Variants in LY6G5B observed in about 807,000 individuals in gnomAD.
LY6G5B encodes lymphocyte antigen 6 complex locus protein G5b.
In LY6G5B, 6 loss-of-function variants were observed where a neutral mutation model predicts 6.7. The observed-to-expected ratio is 0.89, with a 90% CI of 0.49 to 1.76. LY6G5B has a LOEUF of 1.76. Among genes scored for constraint, LY6G5B ranks in the 40% most tolerant of loss-of-function variants. LY6G5B has a pLI of 0.01. For missense variants in LY6G5B, 240 were observed against 249.5 expected (o/e 0.96, Z 0.26); for synonymous variants, 98 against 99.4 (o/e 0.99, Z 0.09).
In LY6G5B at chr6:31,672,087, C is replaced by G. The variant is rs761242488; in HGVS notation, c.411C>G (p.Tyr137Ter). 6.8e-6 allele frequency: 11 copies of G among 1,612,958 alleles called. No homozygotes were observed. Among genetic ancestry groups the G allele is most frequent in the Non-Finnish European group, 4.2e-6 (5 of 1,180,036 alleles). The change falls in exon 3 of 3, where the codon TAC (tyrosine) becomes TAG (stop). Residue 137 changes from tyrosine (Y) to a stop codon, truncating the protein, a stop_gained. Coordinates refer to ENST00000375864, the Ensembl canonical transcript of LY6G5B. LOFTEE classifies it low-confidence loss of function (END_TRUNC). ...CTGACTCCCAGATTCAGTGGTTCTA[C>G]CAGGCCCTGAACCTCTCCCTGCCCC...
upstream of LY6G5B, chr6:31,669,981 C>T (rs368536910): frequency 5.6e-6 from 8 of 1,419,302 alleles, no homozygotes; most frequent in African/African-American, 7.1e-5. This position sits in a 1 kb window ranked among gnomAD's most constrained non-coding sequence, Gnocchi z 4.8. Context: ...TTTTGCCACC[C>T]TTTCAGGAAC....
exon 1 of LY6G5B, chr6:31,670,792 G>T: frequency 2.8e-6 from 2 of 715,078 alleles, no homozygotes; most frequent in East Asian, 2.6e-5. Context: ...TCCCAGCCAG[G>T]ATCCTGCCCC....
exon 3 of LY6G5B, chr6:31,672,480 T>C: frequency 1.5e-6 from 1 of 662,154 alleles, no homozygotes; most frequent in South Asian, 2.0e-5. Context: ...AGTCTCGCTC[T>C]GTCACCCAGG....
exon 3 of LY6G5B, chr6:31,672,109 C>T: frequency 6.2e-7 from 1 of 1,613,126 alleles, no homozygotes; most frequent in Non-Finnish European, 8.5e-7. Context: ...CCTCTCCCTG[C>T]CCCTCCCCAA....
rs756480886 is a variant in LY6G5B at position 31,671,894 on chromosome 6, G to A, written c.218G>A (p.Cys73Tyr). 6 of 1,612,598 alleles carry A rather than the reference G, an allele frequency of 3.7e-6. No homozygotes were observed. The African/African-American group carries it at 4.0e-5, about 11-fold the overall frequency. ...AAGGTTCGCTTCATCGTTCGAGGCTGTGGACAGTACATTTCCTACCGCTGC... is the reference window on the plus strand; with the variant it reads ...AAGGTTCGCTTCATCGTTCGAGGCTATGGACAGTACATTTCCTACCGCTGC... Residue 73 changes from cysteine to tyrosine, a missense_variant, in exon 3 of 3, where the codon TGT (cysteine) becomes TAT (tyrosine). Cys to Tyr is a radical substitution (Grantham distance 194). Transcript: ENST00000375864.
intron 1 of LY6G5B, 63 bp downstream of exon 1, chr6:31,671,071 C>T (rs35609644): frequency 0.013 from 21,123 of 1,609,128 alleles, 172 homozygotes; most frequent in Non-Finnish European, 0.016. Context: ...GGGGGTGGAG[C>T]GTGGCCATGG....
Position 31,670,409 on chromosome 6 carries a change from A to T in LY6G5B, c.-542A>T, listed in dbSNP as rs1562055325. On this transcript the variant is annotated 5_prime_UTR_variant, in exon 1 of 3. The change creates a new upstream start codon in the 5' untranslated region. Coordinates refer to ENST00000375864, the Ensembl canonical transcript of LY6G5B. ...AGTAGCCTAAAGTCAGTATAACTAA[A>T]GGGTGGAACGAGGTGGGACAAGGTC... is the stretch of plus-strand genomic sequence containing the variant. 1 of 172,448 alleles carries T rather than the reference A, an allele frequency of 5.8e-6. No individual in the cohort carries two copies. The allele number at this position is 172,448 out of a possible 1,614,324, so 10.7% of individuals were successfully genotyped here.
At chr6:31,672,057 T>A (rs1802268804) in exon 3 of LY6G5B, 1 of 1,613,050 alleles carries the variant, frequency 6.2e-7, no homozygotes, top group Non-Finnish European at 8.5e-7. Flanking sequence ...TGGCCCTGCC[T>A]CTGTCTGACT....
chr6:31,671,828 A>G (rs367620988), intron 2 of LY6G5B, 36 bp from the exon 3 acceptor site: 17 of 1,575,944 alleles, frequency 1.1e-5, no homozygotes, highest in Non-Finnish European at 1.5e-5. Context: ...ATGGGAAGCT[A>G]TTGGAAGGGG....
chr6:31,671,872 G>C (rs765041214), exon 3 of LY6G5B: 1 of 1,605,930 alleles, frequency 6.2e-7, no homozygotes. Context: ...AGATGTCAAG[G>C]TTCGCTTCAT....
chr6:31,672,333 C>T, exon 3 of LY6G5B: 3 of 1,547,296 alleles, frequency 1.9e-6, no homozygotes, highest in South Asian at 1.2e-5. Flanking sequence ...CCTGCACTGC[C>T]CTCTCTGAAA....
exon 3 of LY6G5B, chr6:31,672,666 G>A (rs374925236): frequency 1.5e-4 from 31 of 203,672 alleles, no homozygotes; most frequent in African/African-American, 6.8e-4. Context: ...GGCTGGTCTC[G>A]AACTCCTGAC....
In LY6G5B at chr6:31,670,901, G is replaced by A; in HGVS notation, c.-50G>A. On this transcript the variant is annotated 5_prime_UTR_variant, in exon 1 of 3. An upstream open reading frame in the 5' UTR gains an earlier in-frame stop. Transcript: ENST00000375864. Reference sequence around the variant, plus strand: ...TAAGGAGCATGGTCACAGGAAGGTGGGGTTTCAGGGCATCCCCTCAGGAAC... The same window carrying A: ...TAAGGAGCATGGTCACAGGAAGGTGAGGTTTCAGGGCATCCCCTCAGGAAC... The A allele has an allele frequency of 1.3e-6, 2 of 1,543,600 alleles. No individual in the cohort carries two copies. The highest frequency in any genetic ancestry group is 1.7e-6 in the Non-Finnish European group (2 of 1,144,582).
rs368042555 is a variant in LY6G5B at position 31,670,220 on chromosome 6, A to G, written c.-731A>G. 2.4e-4 allele frequency: 105 copies of G among 436,970 alleles called. No individual in the cohort carries two copies. The East Asian group carries it at 3.6e-3, about 15-fold the overall frequency. 27.1% of individuals were successfully genotyped at this position (436,970 alleles called of 1,614,324 possible). A position where few individuals can be genotyped will look rare whatever the true frequency, so the allele number is the denominator to read the frequency against. ...GGGTGGTGTTTTTAGTATGGAGCAG[A>G]ACAGAATTCCTAGGACTGCGTGTGA... On this transcript the variant is annotated 5_prime_UTR_variant, in exon 1 of 3. Transcript: ENST00000375864.
upstream of LY6G5B, chr6:31,670,081 T>C (rs1202365363): frequency 1.5e-6 from 1 of 679,710 alleles, no homozygotes; most frequent in Non-Finnish European, 2.4e-6. Context: ...GCTAGTCTGC[T>C]GGTGCTTGCT....
At chr6:31,671,115 A>C (rs1343769461) in intron 1 of LY6G5B, 41 bp from the exon 2 acceptor site, 1 of 1,613,320 alleles carries the variant, frequency 6.2e-7, no homozygotes, top group Non-Finnish European at 8.5e-7. Context: ...AGGGTATTTG[A>C]GAGTGACCCA....
exon 3 of LY6G5B, chr6:31,671,987 G>A (rs763480368): frequency 2.5e-6 from 4 of 1,613,028 alleles, no homozygotes; most frequent in Non-Finnish European, 3.4e-6. Context: ...TACGATTATT[G>A]CAACTCCTGG....
upstream of LY6G5B, chr6:31,670,089 G>A: frequency 1.5e-6 from 1 of 662,656 alleles, no homozygotes; most frequent in Non-Finnish European, 2.5e-6. Flanking sequence ...GCTGGTGCTT[G>A]CTGTTGGGGA....
At position 31,671,887 on chromosome 6, in the gene LY6G5B, C is replaced by G. The variant is rs150877267; in HGVS notation, c.211C>G (p.Arg71Gly). The change falls in exon 3 of 3, where the codon CGA becomes GGA. Residue 71 changes from arginine (R) to glycine (G), a missense_variant. Transcript: ENST00000375864. ...AGATGTCAAGGTTCGCTTCATCGTT[C>G]GAGGCTGTGGACAGTACATTTCCTA... 3.8e-5 allele frequency: 61 copies of G among 1,609,410 alleles called. 1 individual carries two copies. Among genetic ancestry groups the G allele is most frequent in the South Asian group, 1.4e-4 (13 of 90,980 alleles).
Sources: allele counts gnomAD v4.1 joint callset, GRCh38; gene constraint gnomAD v4.1.1; non-coding constraint Gnocchi (gnomAD v3.1); transcripts MANE v1.5; gene names NCBI Gene and HGNC (gene_info 2026-07-23, HGNC 2026-07-21).